The following SRPK2 variants were observed in gnomAD, a reference collection of about 807,000 sequenced individuals.
The protein encoded by SRPK2 is SRSF protein kinase 2.
Under a neutral mutation model 90.8 loss-of-function variants are expected in SRPK2, and 21 were observed. That is an observed-to-expected ratio of 0.23 (90% CI 0.16 to 0.33). The LOEUF (loss-of-function observed/expected upper bound fraction) is 0.33, where lower values mean the gene tolerates loss of function less well. Among genes scored for constraint, SRPK2 ranks in the 10% least tolerant of loss-of-function variants. SRPK2 has a pLI of 1.00. For missense variants in SRPK2, 620 were observed against 869.0 expected (o/e 0.71, Z 3.60); for synonymous variants, 288 against 311.1 (o/e 0.93, Z 0.78).
At chr7:105,285,610 C>T (rs758221686) in intron 2 of SRPK2, among the ~76,000 whole-genome samples, 14 of 152,054 alleles carry the variant, frequency 9.2e-5, no homozygotes, top group Non-Finnish European at 1.5e-4. Flanking sequence ...TGGGATGGAT[C>T]CCGCATGAAT....
intron 2 of SRPK2, among the ~76,000 whole-genome samples, chr7:105,337,586 A>T (rs1457232429): frequency 6.6e-6 from 1 of 152,054 alleles, no homozygotes; most frequent in Non-Finnish European, 1.5e-5. Flanking sequence ...AAGTGCTAGG[A>T]TTACAGGCAT....
intron 2 of SRPK2, among the ~76,000 whole-genome samples, chr7:105,384,982 T>C (rs1354855329): frequency 6.6e-6 from 1 of 150,402 alleles, no homozygotes; most frequent in Non-Finnish European, 1.5e-5. Context: ...GTTCACGCCA[T>C]TCTCCTGCCT....
At chr7:105,340,740 G>A (rs150361229) in intron 2 of SRPK2, among the ~76,000 whole-genome samples, 174 of 152,074 alleles carry the variant, frequency 1.1e-3, no homozygotes, top group Middle Eastern at 3.4e-3. Flanking sequence ...CACTGTACAA[G>A]GCCACAGCAG....
At chr7:105,248,436 T>A (rs35726988) in intron 2 of SRPK2, among the ~76,000 whole-genome samples, 26,535 of 127,970 alleles carry the variant, frequency 0.21, 3,337 homozygotes, top group East Asian at 0.59. Context: ...ACAAAAAATT[T>A]AAAAAAAAAA....
chr7:105,397,947 C>T (rs1262393079), intron 1 of SRPK2, among the ~76,000 whole-genome samples: 3 of 152,086 alleles, frequency 2.0e-5, no homozygotes, highest in African/African-American at 7.2e-5. Flanking sequence ...CGCACCCAAC[C>T]GGTTTTAAAG....
chr7:105,276,321 C>T (rs1806488813), intron 2 of SRPK2, among the ~76,000 whole-genome samples: 1 of 151,958 alleles, frequency 6.6e-6, no homozygotes, highest in Non-Finnish European at 1.5e-5. Context: ...TCAACCGATC[C>T]TCCCACCTTG....
At chr7:105,381,974 C>G (rs192711690) in intron 2 of SRPK2, among the ~76,000 whole-genome samples, 4 of 152,110 alleles carry the variant, frequency 2.6e-5, no homozygotes, top group African/African-American at 9.6e-5. Flanking sequence ...TCGTAACCAG[C>G]CTGACCAAGA....
intron 2 of SRPK2, among the ~76,000 whole-genome samples, chr7:105,380,354 A>G (rs1450209578): frequency 2.6e-5 from 4 of 151,358 alleles, no homozygotes; most frequent in African/African-American, 9.7e-5. Flanking sequence ...CTGGTCTCAA[A>G]CTCCTGACCT....
intron 2 of SRPK2, among the ~76,000 whole-genome samples, chr7:105,352,678 T>C (rs1423821054): frequency 6.6e-6 from 1 of 152,236 alleles, no homozygotes; most frequent in African/African-American, 2.4e-5. Flanking sequence ...GGTGGGCAGA[T>C]TACTTGAGGT....
chr7:105,231,886 C>G (rs987153983), intron 2 of SRPK2, among the ~76,000 whole-genome samples: 1 of 152,170 alleles, frequency 6.6e-6, no homozygotes, highest in African/African-American at 2.4e-5. Flanking sequence ...GTAACAGGGT[C>G]TCACTCTGTC....
At chr7:105,350,683 C>A (rs1017739304) in intron 2 of SRPK2, among the ~76,000 whole-genome samples, 5 of 151,928 alleles carry the variant, frequency 3.3e-5, no homozygotes, top group African/African-American at 1.2e-4. Context: ...CGCCAACACA[C>A]CCAGCTAATT....
Position 105,359,069 on chromosome 7 carries a change from C to G in SRPK2, c.71+29579G>C, listed in dbSNP as rs1013531438. Among the ~76,000 whole-genome samples, 72 of 151,778 alleles carry G rather than the reference C, an allele frequency of 4.7e-4. 1 individual carries two copies. Among genetic ancestry groups the G allele is most frequent in the African/African-American group, 1.5e-3 (64 of 41,306 alleles). Reference sequence around the variant, plus strand: ...GGATCCACCCCCTACAATCCAAACACCAGGCCCCACCACCAACACTGGGGT... The same window carrying G: ...GGATCCACCCCCTACAATCCAAACAGCAGGCCCCACCACCAACACTGGGGT... On this transcript the variant is annotated intron_variant, in intron 2 of 15. Coordinates refer to ENST00000393651, the MANE Select transcript of SRPK2 (RefSeq NM_182692.3).
intron 2 of SRPK2, among the ~76,000 whole-genome samples, chr7:105,343,594 C>T (rs748877615): frequency 2.6e-4 from 40 of 152,260 alleles, no homozygotes; most frequent in South Asian, 8.3e-4. Context: ...TAGCAAAGAA[C>T]CCTTGTTCAT....
chr7:105,383,478 C>T lies in SRPK2; in HGVS notation c.71+5170G>A, dbSNP rs1195916367. On this transcript the variant is annotated intron_variant, in intron 2 of 15. Coordinates refer to ENST00000393651, the MANE Select transcript of SRPK2 (RefSeq NM_182692.3). ...CTCTGTCACCCAGGCTGGAGTGCAG[C>T]GGCATGATCTCGGCTCACCACAACC... Among the ~76,000 whole-genome samples the T allele has an allele frequency of 6.6e-5, 10 of 150,938 alleles. 2 individuals carry two copies. The highest frequency in any genetic ancestry group is 5.3e-4 in the Admixed American group (8 of 15,102).
intron 11 of SRPK2, among the ~76,000 whole-genome samples, chr7:105,133,429 G>A (rs373905162): frequency 1.3e-5 from 2 of 152,128 alleles, no homozygotes; most frequent in Non-Finnish European, 2.9e-5. Flanking sequence ...GCTTTGTGGC[G>A]GCTCTTCATG....
At chr7:105,357,895 G>C (rs1817964768) in intron 2 of SRPK2, among the ~76,000 whole-genome samples, 1 of 152,082 alleles carries the variant, frequency 6.6e-6, no homozygotes, top group African/African-American at 2.4e-5. Flanking sequence ...ACAACGCAGG[G>C]ATTAGGGAAG....
In SRPK2 at chr7:105,142,020, C is replaced by A. The variant is rs780476342; in HGVS notation, c.1531G>T (p.Asp511Tyr). Residue 511 changes from aspartate to tyrosine, a missense_variant, in exon 11 of 16, where the codon GAT becomes TAT. Coordinates refer to ENST00000393651, the MANE Select transcript of SRPK2 (RefSeq NM_182692.3). Reference sequence around the variant, plus strand: ...AAGAAACACTTACCTTTTGGCAAATCCCCAGTACTGGAGGCTGAAACCGTT... The same window carrying A: ...AAGAAACACTTACCTTTTGGCAAATACCCAGTACTGGAGGCTGAAACCGTT... ...SRTVSASSTG[D>Y]LPKAKTRAAD... The A allele has an allele frequency of 6.2e-7, 1 of 1,608,654 alleles. No individual in the cohort carries two copies. The highest frequency in any genetic ancestry group is 8.5e-7 in the Non-Finnish European group (1 of 1,176,896).
intron 2 of SRPK2, among the ~76,000 whole-genome samples, chr7:105,232,686 C>T (rs908799034): frequency 2.1e-5 from 3 of 146,018 alleles, no homozygotes; most frequent in African/African-American, 7.7e-5. Context: ...TTTCAAATAT[C>T]TCTCCCCATT....
chr7:105,175,393 A>T (rs1585055467), intron 3 of SRPK2, among the ~76,000 whole-genome samples: 2 of 152,304 alleles, frequency 1.3e-5, no homozygotes, highest in Admixed American at 1.3e-4. Context: ...TCAGAGGGAA[A>T]TTTATAGCAC....
Sources: allele counts gnomAD v4.1 joint callset (sites outside exome capture counted in the v4.1 genomes callset), GRCh38; gene constraint gnomAD v4.1.1; transcripts MANE v1.5; gene names NCBI Gene and HGNC (gene_info 2026-07-23, HGNC 2026-07-21).